Variants in MTUS2 observed in about 807,000 individuals in gnomAD.
The protein encoded by MTUS2 is microtubule associated scaffold protein 2, also known as microtubule-associated tumor suppressor candidate 2.
In MTUS2, 40 loss-of-function variants were observed where a neutral mutation model predicts 114.1. The ratio of observed to expected loss-of-function variants is 0.35; its 90% confidence interval spans 0.27 to 0.46. MTUS2 has a LOEUF of 0.46. MTUS2 is among the 20% of genes least tolerant of loss of function. The pLI, the probability that MTUS2 is intolerant of heterozygous loss-of-function variation, is 1.00. For synonymous variants in MTUS2, 688 were observed against 672.0 expected (o/e 1.02, Z -0.37); for missense variants, 1,679 against 1,705.4 (o/e 0.98, Z 0.27).
chr13:29,469,958 G>A (rs1025250108), intron 9 of MTUS2, among the ~76,000 whole-genome samples: 25 of 152,050 alleles, frequency 1.6e-4, no homozygotes, highest in African/African-American at 6.0e-4. Flanking sequence ...TCAAAGTTTG[G>A]CTCACAGGGA....
intron 2 of MTUS2, among the ~76,000 whole-genome samples, chr13:28,994,460 C>T (rs1375130231): frequency 2.0e-5 from 3 of 152,176 alleles, no homozygotes; most frequent in Non-Finnish European, 2.9e-5. Context: ...AGTTCTAGAT[C>T]CCTGAGGAAT....
intron 2 of MTUS2, among the ~76,000 whole-genome samples, chr13:28,982,869 G>T (rs1362347188): frequency 6.6e-6 from 1 of 152,228 alleles, no homozygotes; most frequent in Non-Finnish European, 1.5e-5. Context: ...GTTGCCAGGG[G>T]TTGGGGATAG....
chr13:29,200,055 C>G (rs186640925), intron 5 of MTUS2, among the ~76,000 whole-genome samples: 1 of 151,828 alleles, frequency 6.6e-6, no homozygotes. Flanking sequence ...CATTTTTTAT[C>G]GTGTCTATTT....
chr13:29,403,445 T>C (rs769536615), intron 8 of MTUS2, among the ~76,000 whole-genome samples: 14 of 152,214 alleles, frequency 9.2e-5, no homozygotes, highest in Non-Finnish European at 1.8e-4. Flanking sequence ...GATTAGGCCA[T>C]GGGTGCCCAG....
At chr13:29,389,447 G>A (rs1380078504) in intron 8 of MTUS2, among the ~76,000 whole-genome samples, 1 of 119,412 alleles carries the variant, frequency 8.4e-6, no homozygotes, top group African/African-American at 2.8e-5. Flanking sequence ...GTATGTGTAT[G>A]TATACACGTG....
intron 2 of MTUS2, among the ~76,000 whole-genome samples, chr13:28,984,232 G>T (rs1884479280): frequency 6.6e-6 from 1 of 152,186 alleles, no homozygotes; most frequent in Admixed American, 6.5e-5. Context: ...TGAAGAATTA[G>T]GGGAAGGGTG....
At chr13:29,373,378 C>A (rs191090095) in intron 8 of MTUS2, among the ~76,000 whole-genome samples, 14 of 152,256 alleles carry the variant, frequency 9.2e-5, no homozygotes, top group Admixed American at 2.0e-4. Flanking sequence ...GTGCATAGAG[C>A]AGGGTAACTA....
At chr13:28,851,059 T>C (rs1876234796) in intron 2 of MTUS2, among the ~76,000 whole-genome samples, 1 of 152,214 alleles carries the variant, frequency 6.6e-6, no homozygotes, top group African/African-American at 2.4e-5. Context: ...CTGAAAAGGA[T>C]GGAAGCTTGT....
chr13:29,480,478 G>C lies in MTUS2; in HGVS notation c.3399+114G>C, dbSNP rs1362361919. On this transcript the variant is annotated intron_variant, in intron 10 of 15. Transcript: ENST00000612955. This position sits in a 1 kb window ranked among gnomAD's most constrained non-coding sequence, Gnocchi z 4.4. ...ATTCAGTAGGTGAGCTTTCTGAACA[G>C]TTCACTTTCTGAGTTGCTTTCTCCT... The C allele has an allele frequency of 7.7e-6, 9 of 1,169,706 alleles. No individual in the cohort carries two copies. The highest frequency in any genetic ancestry group is 8.2e-6 in the Non-Finnish European group (7 of 856,388). The allele number at this position is 1,169,706 out of a possible 1,614,324, so 72.5% of individuals were successfully genotyped here.
At chr13:29,245,694 A>ATTTTT (rs34670074) in intron 5 of MTUS2, among the ~76,000 whole-genome samples, 12 of 125,576 alleles carry the variant, frequency 9.6e-5, no homozygotes, top group Admixed American at 1.7e-4. Flanking sequence ...ATCTATTTTA[A>ATTTTT]TTTTTTTTTT....
chr13:29,389,593 ATG>A (rs1258322274), intron 8 of MTUS2, among the ~76,000 whole-genome samples: 3 of 133,980 alleles, frequency 2.2e-5, no homozygotes, highest in East Asian at 4.2e-4. Context: ...ACGTATACAT[ATG>A]TGTGTATACG....
chr13:28,976,922 A>C (rs1180366280), intron 2 of MTUS2, among the ~76,000 whole-genome samples: 1 of 152,206 alleles, frequency 6.6e-6, no homozygotes. Context: ...AGGATGTGTG[A>C]GTTATCTCTG....
intron 2 of MTUS2, among the ~76,000 whole-genome samples, chr13:28,859,966 C>T (rs1235259059): frequency 6.6e-6 from 1 of 152,066 alleles, no homozygotes; most frequent in Non-Finnish European, 1.5e-5. Context: ...CATTGCAGAA[C>T]CTTGTGCTTG....
chr13:29,437,183 T>G (rs1024491227), intron 8 of MTUS2, among the ~76,000 whole-genome samples: 1 of 151,874 alleles, frequency 6.6e-6, no homozygotes, highest in East Asian at 1.9e-4. Context: ...GAAATTAGAG[T>G]TGATTTGTTG....
At chr13:29,069,323 C>T (rs1786107987) in intron 4 of MTUS2, among the ~76,000 whole-genome samples, 1 of 152,156 alleles carries the variant, frequency 6.6e-6, no homozygotes, top group African/African-American at 2.4e-5. Context: ...GAGTCTGCAG[C>T]CTGAGAACCA....
intron 9 of MTUS2, among the ~76,000 whole-genome samples, chr13:29,470,223 A>T (rs1394543131): frequency 6.6e-6 from 1 of 152,200 alleles, no homozygotes; most frequent in Admixed American, 6.5e-5. Context: ...AGTACTGTAT[A>T]AAATACACCA....
intron 2 of MTUS2, among the ~76,000 whole-genome samples, chr13:28,986,155 G>T (rs1447172857): frequency 1.3e-5 from 2 of 151,962 alleles, no homozygotes; most frequent in East Asian, 3.9e-4. Context: ...GCCCAGGCTT[G>T]GGTGGTTGGG....
At chr13:29,003,853 A>G (rs1312014783) in intron 2 of MTUS2, among the ~76,000 whole-genome samples, 1 of 151,700 alleles carries the variant, frequency 6.6e-6, no homozygotes, top group African/African-American at 2.4e-5. Context: ...CTCTTCTGCC[A>G]CTCTTTGTTG....
chr13:28,889,879 G>C (rs1056546096), intron 2 of MTUS2, among the ~76,000 whole-genome samples: 1 of 152,144 alleles, frequency 6.6e-6, no homozygotes, highest in Non-Finnish European at 1.5e-5. Context: ...GGGCAGATCT[G>C]TTCCACTGTA....
Sources: allele counts gnomAD v4.1 joint callset (sites outside exome capture counted in the v4.1 genomes callset), GRCh38; gene constraint gnomAD v4.1.1; non-coding constraint Gnocchi (gnomAD v3.1); transcripts MANE v1.5; gene names NCBI Gene and HGNC (gene_info 2026-07-23, HGNC 2026-07-21).